COL9A3: variants seen among roughly 807,000 people sequenced by gnomAD.
The protein encoded by COL9A3 is collagen alpha-3(IX) chain.
COL9A3 carries 82 observed loss-of-function variants against 110.2 expected under a neutral mutation model. That is an observed-to-expected ratio of 0.74 (90% CI 0.62 to 0.89). The LOEUF (loss-of-function observed/expected upper bound fraction) is 0.89, where lower values mean the gene tolerates loss of function less well. Among genes scored for constraint, COL9A3 ranks in the 40% least tolerant of loss-of-function variants. COL9A3 has a pLI of 0.00. For missense variants in COL9A3, 1,066 were observed against 981.3 expected, an observed-to-expected ratio of 1.09 and a Z score of -1.15; for synonymous variants, 494 against 403.8, an observed-to-expected ratio of 1.22 and a Z score of -2.68.
Position 62,830,514 on chromosome 20 carries a change from C to T in COL9A3, c.1216-3C>T, listed in dbSNP as rs1365903445. ...ACTGACGAGCCAGGACCTCCTTCCC[C>T]AGGGCCAGAAGGGCAGCATGGGAGA... On this transcript the variant is annotated splice_polypyrimidine_tract_variant and splice_region_variant and intron_variant, in intron 23 of 31. Coordinates refer to ENST00000649368, the MANE Select transcript of COL9A3 (RefSeq NM_001853.4). 8 of 1,608,184 alleles carry T rather than the reference C, an allele frequency of 5.0e-6. No homozygotes were observed. Among genetic ancestry groups the T allele is most frequent in the South Asian group, 3.3e-5 (3 of 90,090 alleles).
chr20:62,836,694 C>A, intron 29 of COL9A3, 162 bp downstream of exon 29: 1 of 766,336 alleles, frequency 1.3e-6, no homozygotes, highest in Non-Finnish European at 2.1e-6. Context: ...TCCGCCTTGG[C>A]GTCTGCCTGT....
intron 2 of COL9A3, chr20:62,817,971 CG>C: frequency 1.7e-5 from 7 of 407,084 alleles, no homozygotes; most frequent in South Asian, 2.3e-5. Context: ...GGTTGGGGGC[CG>C]GGGGTCTTGT....
intron 29 of COL9A3, chr20:62,836,753 T>G: frequency 1.6e-6 from 1 of 627,698 alleles, no homozygotes; most frequent in Non-Finnish European, 2.8e-6. Flanking sequence ...TTCAACCAGA[T>G]TCCCAGCACG....
Position 62,821,073 on chromosome 20 carries a change from A to G in COL9A3, c.310-108A>G, listed in dbSNP as rs917729704. On this transcript the variant is annotated intron_variant, in intron 5 of 31. Coordinates refer to ENST00000649368, the MANE Select transcript of COL9A3 (RefSeq NM_001853.4). ...GCCCCTCTGTGAAGTGGGGACTTGGACCCTGTTGTCCTGGGAGTTGGAGTT... is the reference window on the plus strand; with the variant it reads ...GCCCCTCTGTGAAGTGGGGACTTGGGCCCTGTTGTCCTGGGAGTTGGAGTT... The G allele has an allele frequency of 1.1e-5, 13 of 1,172,814 alleles. No homozygotes were observed. The African/African-American group carries it at 1.8e-4, about 16-fold the overall frequency. 72.7% of individuals were successfully genotyped at this position (1,172,814 alleles called of 1,614,324 possible).
intron 17 of COL9A3, 32 bp from the exon 18 acceptor site, chr20:62,828,731 GC>G (rs2063572770): frequency 5.0e-6 from 8 of 1,611,784 alleles, no homozygotes; most frequent in Non-Finnish European, 6.8e-6. Flanking sequence ...GGGGGCCACT[GC>G]CCGACGGGCC....
Position 62,840,594 on chromosome 20 carries a change from C to G in COL9A3, c.1917C>G (p.Gly639=), listed in dbSNP as rs764351562. Residue 639 remains glycine, a synonymous_variant, in exon 32 of 32, where the codon GGC becomes GGG. Transcript: ENST00000649368. The part of the protein sequence containing the change: ...TSKDGQDGAP[G]EPGPPGDPGL... ...AGGACGGCCAGGACGGTGCTCCCGG[C>G]GAGCCTGGGCCTCCCGGAGATCCTG... 6.2e-7 allele frequency: 1 copy of G among 1,612,968 alleles called. No individual in the cohort carries two copies. Among genetic ancestry groups the G allele is most frequent in the Admixed American group, 1.7e-5 (1 of 60,000 alleles).
chr20:62,826,125 C>T (rs2063549994), intron 13 of COL9A3, 79 bp from the exon 14 acceptor site: 2 of 1,447,290 alleles, frequency 1.4e-6, no homozygotes, highest in African/African-American at 2.8e-5. Context: ...CCCAGGGGTA[C>T]CCCGAGGGCC....
intron 15 of COL9A3, 63 bp downstream of exon 15, chr20:62,826,883 C>G: frequency 1.3e-6 from 2 of 1,557,730 alleles, no homozygotes; most frequent in Admixed American, 1.8e-5. Flanking sequence ...TCCCTCTGCT[C>G]CTCTCAGACG....
chr20:62,832,917 A>G, intron 25 of COL9A3, 103 bp from the exon 26 acceptor site: 1 of 1,108,174 alleles, frequency 9.0e-7, no homozygotes, highest in Non-Finnish European at 1.4e-6. Context: ...CGACCTTAAG[A>G]TGAACATTAC....
At chr20:62,834,499 A>G (rs551323134) in intron 26 of COL9A3, among the ~76,000 whole-genome samples, 5 of 152,182 alleles carry the variant, frequency 3.3e-5, no homozygotes, top group African/African-American at 1.2e-4. Flanking sequence ...TTCATCTATG[A>G]TTAAGTCTTT....
At chr20:62,825,925 T>C in intron 13 of COL9A3, 55 bp downstream of exon 13, 3 of 1,528,120 alleles carry the variant, frequency 2.0e-6, no homozygotes, top group African/African-American at 1.4e-5. Flanking sequence ...CACAGAGTGA[T>C]CAAGCCCTGC....
intron 19 of COL9A3, among the ~76,000 whole-genome samples, chr20:62,829,227 G>T (rs552927779): frequency 5.1e-4 from 77 of 152,302 alleles, no homozygotes; most frequent in African/African-American, 1.8e-3. Context: ...GGCCATCCCT[G>T]GATGCCGTGC....
intron 17 of COL9A3, 29 bp downstream of exon 17, chr20:62,828,005 C>G: frequency 1.9e-6 from 3 of 1,612,032 alleles, no homozygotes; most frequent in Non-Finnish European, 2.5e-6. Context: ...TCATGGAATG[C>G]TCCTCCCCCG....
Position 62,822,142 on chromosome 20 carries a change from C to G in COL9A3, c.455C>G (p.Pro152Arg), listed in dbSNP as rs551057229. 2 of 1,587,314 alleles carry G rather than the reference C, an allele frequency of 1.3e-6. No individual in the cohort carries two copies. The highest frequency in any genetic ancestry group is 3.3e-5 in the Admixed American group (2 of 59,986). Reference sequence around the variant, plus strand: ...TCTGGACTCCCCGGCCTCCCTGGTCCCCCAGGACCTCCCGGACCCCCTGTA... The same window carrying G: ...TCTGGACTCCCCGGCCTCCCTGGTCGCCCAGGACCTCCCGGACCCCCTGTA... ...GPSGLPGLPG[P>R]PGPPGPPGHP... The change falls in exon 9 of 32, where the codon CCC (proline) becomes CGC (arginine). Residue 152 changes from proline to arginine, a missense_variant. By Grantham distance (103) the Pro-to-Arg change is moderately radical (BLOSUM62 -2). Transcript: ENST00000649368.
rs1476182014 is a variant in COL9A3, at chr20:62,840,648, G to A, written c.1971G>A (p.Gly657=). 1.2e-6 allele frequency: 2 copies of A among 1,610,200 alleles called. No homozygotes were observed. Among genetic ancestry groups the A allele is most frequent in the Middle Eastern group, 1.7e-4 (1 of 6,052 alleles). Reference sequence around the variant, plus strand: ...TTCCAGGTGCCATTGGGGCCCAGGGGACACCGGGGATCTGCGACACCTCAG... The same window carrying A: ...TTCCAGGTGCCATTGGGGCCCAGGGAACACCGGGGATCTGCGACACCTCAG... ...PGLPGAIGAQ[G]TPGICDTSAC... Residue 657 remains glycine (G), a synonymous_variant, in exon 32 of 32, where the codon GGG becomes GGA. Transcript: ENST00000649368.
chr20:62,839,094 G>A (rs150589644), intron 31 of COL9A3, among the ~76,000 whole-genome samples: 2,375 of 151,962 alleles, frequency 0.016, 59 homozygotes, highest in African/African-American at 0.054. Flanking sequence ...GCGTGGTGGC[G>A]GGCGCCTGTA....
intron 1 of COL9A3, 49 bp downstream of exon 1, chr20:62,817,191 C>G: frequency 1.6e-6 from 2 of 1,272,084 alleles, no homozygotes; most frequent in Non-Finnish European, 2.0e-6. Flanking sequence ...CCGCGACCGC[C>G]CCAGCCCCGA....
chr20:62,837,229 G>T lies in COL9A3; in HGVS notation c.1750G>T (p.Gly584Cys). 2 of 1,611,724 alleles carry T rather than the reference G, an allele frequency of 1.2e-6. No individual in the cohort carries two copies. The highest frequency in any genetic ancestry group is 1.7e-6 in the Non-Finnish European group (2 of 1,179,780). The change falls in exon 30 of 32, where the codon GGT becomes TGT. Residue 584 changes from glycine (G) to cysteine (C), a missense_variant. By Grantham distance (159) the Gly-to-Cys change is radical. Transcript: ENST00000649368. ...PGARGPPGYR[G>C]PTGELGDPGP... Reference sequence around the variant, plus strand: ...CGCTCGAGGACCCCCTGGATACCGCGGTCCCACTGGGGAGCTGGGAGACCC... The same window carrying T: ...CGCTCGAGGACCCCCTGGATACCGCTGTCCCACTGGGGAGCTGGGAGACCC...
chr20:62,838,950 C>T (rs938948961), intron 31 of COL9A3, among the ~76,000 whole-genome samples, 189 bp downstream of exon 31: 10 of 152,142 alleles, frequency 6.6e-5, no homozygotes, highest in Non-Finnish European at 8.8e-5. Flanking sequence ...CGGGGCTGGG[C>T]GCGGTGGCTT....
Sources: allele counts gnomAD v4.1 joint callset (sites outside exome capture counted in the v4.1 genomes callset), GRCh38; gene constraint gnomAD v4.1.1; transcripts MANE v1.5; gene names NCBI Gene and HGNC (gene_info 2026-07-23, HGNC 2026-07-21).